UGT1A8: variants seen among roughly 807,000 people sequenced by gnomAD.
The protein encoded by UGT1A8 is UDP-glucuronosyltransferase 1A8.
Under a neutral mutation model 45.3 loss-of-function variants are expected in UGT1A8, and 39 were observed. That is an observed-to-expected ratio of 0.86 (90% CI 0.67 to 1.12). The LOEUF (loss-of-function observed/expected upper bound fraction) is 1.12. UGT1A8 is among the 50% of genes most tolerant of loss of function. The pLI is 0.00. For synonymous variants in UGT1A8, 275 were observed against 249.2 expected (o/e 1.10, Z -0.97); for missense variants, 719 against 664.9 (o/e 1.08, Z -0.90).
intron 1 of UGT1A8, chr2:233,672,631 GAAATTCTCC>G (rs1679219806): frequency 1.9e-6 from 3 of 1,613,774 alleles, no homozygotes; most frequent in Non-Finnish European, 2.5e-6. Context: ...AATAGCCTCT[GAAATTCTCC>G]AAACACCTGT....
intron 1 of UGT1A8, among the ~76,000 whole-genome samples, chr2:233,709,652 C>CTTTG (rs930878548): frequency 6.6e-6 from 1 of 152,042 alleles, no homozygotes; most frequent in Non-Finnish European, 1.5e-5. Flanking sequence ...ATAGGTAGGG[C>CTTTG]TTTGTATAGT....
intron 1 of UGT1A8, chr2:233,671,848 G>C: frequency 6.7e-7 from 1 of 1,497,628 alleles, no homozygotes; most frequent in Non-Finnish European, 8.9e-7. Context: ...CCTCTATTGG[G>C]GTCAGGTTTT....
chr2:233,676,053 G>A (rs2074344673), intron 1 of UGT1A8, among the ~76,000 whole-genome samples: 1 of 152,152 alleles, frequency 6.6e-6, no homozygotes, highest in Non-Finnish European at 1.5e-5. Flanking sequence ...AATTGACTAG[G>A]TGCCAAAGTT....
intron 1 of UGT1A8, among the ~76,000 whole-genome samples, chr2:233,662,126 T>A (rs1300711043): frequency 6.6e-6 from 1 of 152,200 alleles, no homozygotes; most frequent in East Asian, 1.9e-4. Context: ...AACTTACCTT[T>A]GTTACTTTTC....
At chr2:233,654,921 G>A (rs1483852656) in intron 1 of UGT1A8, among the ~76,000 whole-genome samples, 4 of 152,032 alleles carry the variant, frequency 2.6e-5, no homozygotes, top group African/African-American at 9.7e-5. Context: ...GCAAAACCCC[G>A]TCTCTACTAA....
chr2:233,768,296 C>T lies in UGT1A8; in HGVS notation c.1152C>T (p.Pro384=), dbSNP rs763217521. 13 of 1,614,024 alleles carry T rather than the reference C, an allele frequency of 8.1e-6. No homozygotes were observed. In the African/African-American group the frequency reaches 1.1e-4, roughly 13 times the overall value. ...GVYESICNGV[P]MVMMPLFGDQ... is the part of the protein sequence containing the mutation. The stretch of plus-strand genomic sequence containing the variant: ...ATGAAAGCATATGCAATGGCGTTCC[C>T]ATGGTGATGATGCCCTTGTTTGGTG... Residue 384 remains proline (P), a synonymous_variant, in exon 4 of 5, where the codon CCC becomes CCT. Coordinates refer to ENST00000373450, the MANE Select transcript of UGT1A8 (RefSeq NM_019076.5).
intron 1 of UGT1A8, among the ~76,000 whole-genome samples, chr2:233,759,584 C>T (rs1003659930): frequency 4.0e-5 from 6 of 149,692 alleles, no homozygotes; most frequent in Non-Finnish European, 3.0e-5. Flanking sequence ...TACCCCAGCA[C>T]GCCCCCCACC....
At chr2:233,654,174 C>G (rs2073802427) in intron 1 of UGT1A8, among the ~76,000 whole-genome samples, 1 of 151,908 alleles carries the variant, frequency 6.6e-6, no homozygotes, top group Non-Finnish European at 1.5e-5. Flanking sequence ...GTGAAAAAAC[C>G]TAAAAAGAAG....
rs2073674814 is a variant in UGT1A8, at chr2:233,649,084, A to T, written c.855+30522A>T. ...ATTCTGGATTTGAATATTTAAAAAG[A>T]TTCCTTACGGAACTGGGATTTGACA... On this transcript the variant is annotated intron_variant, in intron 1 of 4. Transcript: ENST00000373450. 4.5e-6 allele frequency: 4 copies of T among 889,272 alleles called. No homozygotes were observed. In the African/African-American group the frequency reaches 5.2e-5, roughly 12 times the overall value. 55.1% of individuals were successfully genotyped at this position (889,272 alleles called of 1,614,324 possible).
chr2:233,648,769 G>T, intron 1 of UGT1A8: 5 of 769,056 alleles, frequency 6.5e-6, no homozygotes, highest in Non-Finnish European at 8.1e-6. Flanking sequence ...CAGCCTGGAT[G>T]CCATGACTTT....
intron 1 of UGT1A8, chr2:233,682,579 G>C: frequency 6.2e-7 from 1 of 1,613,874 alleles, no homozygotes; most frequent in Non-Finnish European, 8.5e-7. Context: ...TCATGCACTT[G>C]GAGGAACATT....
intron 1 of UGT1A8, chr2:233,743,714 T>C (rs1337587224): frequency 1.5e-6 from 2 of 1,367,360 alleles, no homozygotes; most frequent in Admixed American, 1.9e-5. Context: ...CGCCTCGCCA[T>C]AGCGGTCATA....
intron 1 of UGT1A8, among the ~76,000 whole-genome samples, chr2:233,623,571 A>G (rs2073048601): frequency 6.6e-6 from 1 of 152,204 alleles, no homozygotes; most frequent in Non-Finnish European, 1.5e-5. Context: ...ATAAAAAATA[A>G]GAAACATTTG....
At chr2:233,639,058 T>G (rs1389871221) in intron 1 of UGT1A8, among the ~76,000 whole-genome samples, 1 of 152,182 alleles carries the variant, frequency 6.6e-6, no homozygotes, top group Admixed American at 6.5e-5. Context: ...CACGCTGAGT[T>G]TATTGTGGCT....
intron 1 of UGT1A8, chr2:233,691,347 G>A: frequency 1.0e-6 from 1 of 985,522 alleles, no homozygotes; most frequent in Non-Finnish European, 1.2e-6. Flanking sequence ...GTCTTCGCAT[G>A]CCTTGAACAA....
chr2:233,657,597 C>A (rs1471619613), intron 1 of UGT1A8, among the ~76,000 whole-genome samples: 2 of 152,172 alleles, frequency 1.3e-5, no homozygotes, highest in Non-Finnish European at 2.9e-5. Flanking sequence ...CCCACTAAGC[C>A]CCACCTCCAA....
intron 1 of UGT1A8, among the ~76,000 whole-genome samples, chr2:233,737,582 C>T (rs532884650): frequency 6.6e-6 from 1 of 152,312 alleles, no homozygotes; most frequent in Non-Finnish European, 1.5e-5. Context: ...CAACCAGTCC[C>T]AATGAGATGA....
rs145951009 is a variant in UGT1A8 at position 233,635,795 on chromosome 2, G to A, written c.855+17233G>A. ...AATATAGAAGTAGAGCAGTCACAGA[G>A]AGGCAGCCCAGCAGAGTGTTCGCAC... On this transcript the variant is annotated intron_variant, in intron 1 of 4. Transcript: ENST00000373450. Among the ~76,000 whole-genome samples the A allele has an allele frequency of 2.6e-5, 4 of 151,106 alleles. 1 individual carries two copies. Among genetic ancestry groups the A allele is most frequent in the African/African-American group, 9.8e-5 (4 of 40,948 alleles).
chr2:233,620,013 C>T lies in UGT1A8; in HGVS notation c.855+1451C>T, dbSNP rs148540096. Among the ~76,000 whole-genome samples, 1,021 of 152,184 alleles carry T rather than the reference C, an allele frequency of 6.7e-3. 5 individuals are homozygous for T. Among genetic ancestry groups the T allele is most frequent in the Admixed American group, 0.011 (170 of 15,282 alleles). On this transcript the variant is annotated intron_variant, in intron 1 of 4. Coordinates refer to ENST00000373450, the MANE Select transcript of UGT1A8 (RefSeq NM_019076.5). ...ATAGTTGCTAAATCCAGATGAAACA[C>T]CTGGTGTCTCATCTCATTATATTAT...
Sources: gnomAD v4.1 joint callset for allele counts (sites outside exome capture counted in the v4.1 genomes callset) on GRCh38, gnomAD v4.1.1 for gene constraint, MANE v1.5 for transcripts, NCBI Gene and HGNC (gene_info 2026-07-23, HGNC 2026-07-21) for gene names.